The following EHBP1 variants were observed in gnomAD, a reference collection of about 807,000 sequenced individuals.
The protein encoded by EHBP1 is EH domain binding protein 1, also known as EH domain-binding protein 1.
In EHBP1, 55 loss-of-function variants were observed where a neutral mutation model predicts 144.0. That is an observed-to-expected ratio of 0.38 (90% CI 0.31 to 0.48). The LOEUF is 0.48. Ranked by LOEUF, EHBP1 falls within the 20% of genes least tolerant of loss-of-function variation. The probability of loss-of-function intolerance (pLI) is 0.98; values close to 1 mark genes in which losing one functional copy is unlikely to be tolerated. For synonymous variants in EHBP1, 469 were observed against 472.7 expected (o/e 0.99, Z 0.10); for missense variants, 1,200 against 1,364.2 (o/e 0.88, Z 1.90).
intron 5 of EHBP1, among the ~76,000 whole-genome samples, chr2:62,820,234 A>T (rs887942137): frequency 2.0e-5 from 3 of 151,672 alleles, no homozygotes; most frequent in African/African-American, 7.3e-5. Context: ...AGAAAAAAAA[A>T]AAAAAGAACA....
chr2:62,698,316 A>C (rs2034170694), intron 1 of EHBP1, among the ~76,000 whole-genome samples: 1 of 152,234 alleles, frequency 6.6e-6, no homozygotes. Context: ...TCCACACTGA[A>C]GTATGCTGGT....
At chr2:62,836,116 T>G (rs1034355285) in intron 7 of EHBP1, among the ~76,000 whole-genome samples, 8 of 152,124 alleles carry the variant, frequency 5.3e-5, no homozygotes, top group Non-Finnish European at 1.2e-4. Context: ...AAGAGAGCAG[T>G]GGTTCTCCCA....
intron 3 of EHBP1, among the ~76,000 whole-genome samples, chr2:62,750,012 CTT>C (rs1330907939): frequency 1.3e-5 from 2 of 152,138 alleles, no homozygotes; most frequent in African/African-American, 4.8e-5. Flanking sequence ...TCAATTTTGT[CTT>C]TTGTTGCCAT....
rs1457861939 is a variant in EHBP1 at position 62,990,841 on chromosome 2, G to GTA, written c.2733+2_2733+3dup. 1.9e-6 allele frequency: 3 copies of GTA among 1,610,468 alleles called. No homozygotes were observed. Among genetic ancestry groups the GTA allele is most frequent in the Non-Finnish European group, 2.5e-6 (3 of 1,178,392 alleles). On this transcript the variant is annotated splice_donor_variant, in intron 16 of 22. Coordinates refer to ENST00000431489, the MANE Select transcript of EHBP1 (RefSeq NM_001142616.3). LOFTEE classifies it high-confidence loss of function. The stretch of plus-strand genomic sequence containing the variant: ...TGAGAGCTCAGAGCAGGACATGAAA[G>GTA]TAAGTCTTACTTGTTTAAAACATTT...
chr2:62,970,239 A>G (rs1184316718), intron 14 of EHBP1, among the ~76,000 whole-genome samples: 5 of 152,170 alleles, frequency 3.3e-5, no homozygotes, highest in Non-Finnish European at 4.4e-5. Flanking sequence ...ACACTGTTAA[A>G]TATTAGCAGC....
chr2:62,749,404 G>T (rs13395622), intron 3 of EHBP1, among the ~76,000 whole-genome samples: 186 of 152,296 alleles, frequency 1.2e-3, no homozygotes, highest in Middle Eastern at 0.01. Flanking sequence ...ATTTGGGTTG[G>T]TTCCAAGTCT....
In EHBP1 at chr2:63,045,721, A is replaced by G; in HGVS notation, c.*221A>G. 1 of 497,280 alleles carries G rather than the reference A, an allele frequency of 2.0e-6. No individual in the cohort carries two copies. Among genetic ancestry groups the G allele is most frequent in the South Asian group, 2.3e-5 (1 of 43,122 alleles). 30.8% of individuals were successfully genotyped at this position (497,280 alleles called of 1,614,324 possible). ...TTAAGGATTTTTTTGTGAGTTAACA[A>G]TTTCCTTGAAATCCTGTGAAATAGA... is the stretch of plus-strand genomic sequence containing the variant. On this transcript the variant is annotated 3_prime_UTR_variant, in exon 23 of 23. Coordinates refer to ENST00000431489, the MANE Select transcript of EHBP1 (RefSeq NM_001142616.3). The surrounding 1 kb of genome is among the most constrained non-coding windows in gnomAD (Gnocchi z 5.7).
chr2:62,861,562 G>A (rs1254343764), intron 8 of EHBP1, among the ~76,000 whole-genome samples: 2 of 151,730 alleles, frequency 1.3e-5, no homozygotes, highest in African/African-American at 4.8e-5. Context: ...TGGCCAACAT[G>A]GTGAAACCCG....
At chr2:62,899,678 T>C (rs1484548826) in intron 10 of EHBP1, among the ~76,000 whole-genome samples, 2 of 152,222 alleles carry the variant, frequency 1.3e-5, no homozygotes, top group East Asian at 3.9e-4. Flanking sequence ...GTTTCAACGA[T>C]GATGGTGGTT....
intron 19 of EHBP1, among the ~76,000 whole-genome samples, chr2:63,016,490 G>C (rs529828665): frequency 1.8e-4 from 27 of 152,092 alleles, no homozygotes; most frequent in Non-Finnish European, 3.2e-4. Context: ...GAGTGCAATG[G>C]TGTCATCTCG....
intron 21 of EHBP1, chr2:63,044,007 G>A (rs904626654): frequency 2.7e-5 from 3 of 111,582 alleles, no homozygotes; most frequent in Admixed American, 1.2e-4. Flanking sequence ...GTCCTCATTT[G>A]TTCTGCTATC....
At position 62,764,347 on chromosome 2, in the gene EHBP1, G is replaced by A; in HGVS notation, c.244G>A (p.Val82Ile). 6.3e-7 allele frequency: 1 copy of A among 1,575,460 alleles called. No homozygotes were observed. The highest frequency in any genetic ancestry group is 8.6e-7 in the Non-Finnish European group (1 of 1,165,288). ...TGTTCCTGAAAACATTGAAATCACT[G>A]TAACACTTTTTAAGGTAAGTTCCAT... ...WPVPENIEIT[V>I]TLFKDPHAEE... is the part of the protein sequence containing the mutation. The change falls in exon 4 of 23, where the codon GTA (valine) becomes ATA (isoleucine). Residue 82 changes from valine to isoleucine, a missense_variant. Around this residue, in one of 6 missense-constraint regions of EHBP1, gnomAD observed 137 missense variants for 190.1 expected, o/e 0.72. Transcript: ENST00000431489.
At chr2:62,738,719 T>A (rs2038390582) in intron 2 of EHBP1, among the ~76,000 whole-genome samples, 1 of 152,206 alleles carries the variant, frequency 6.6e-6, no homozygotes, top group Admixed American at 6.5e-5. Context: ...TCTGGAAGAT[T>A]TCCTCAAATT....
rs151097581 is a variant in EHBP1 at position 62,745,044 on chromosome 2, C to A, written c.105-2351C>A. On this transcript the variant is annotated intron_variant, in intron 2 of 22. Transcript: ENST00000431489. ...TTTAATGTGCAGCAAGAATAAGGAT[C>A]CCTGCAAAGCTTGGATGAGTTGCAG... Among the ~76,000 whole-genome samples, 1,053 of 152,212 alleles carry A rather than the reference C, an allele frequency of 6.9e-3. 10 individuals are homozygous for A. Among genetic ancestry groups the A allele is most frequent in the African/African-American group, 0.021 (879 of 41,552 alleles).
At chr2:62,960,635 T>C (rs2057954216) in intron 14 of EHBP1, among the ~76,000 whole-genome samples, 1 of 152,174 alleles carries the variant, frequency 6.6e-6, no homozygotes, top group African/African-American at 2.4e-5. Context: ...AATGAATAAA[T>C]GAAGGGAATA....
At chr2:62,732,190 A>G (rs551151362) in intron 2 of EHBP1, among the ~76,000 whole-genome samples, 2 of 152,110 alleles carry the variant, frequency 1.3e-5, no homozygotes, top group African/African-American at 2.4e-5. Context: ...TAGTGTGACT[A>G]TGATATGCCT....
At chr2:63,022,532 C>G (rs990097767) in intron 19 of EHBP1, among the ~76,000 whole-genome samples, 11 of 152,082 alleles carry the variant, frequency 7.2e-5, no homozygotes, top group Middle Eastern at 3.4e-3. Flanking sequence ...CCAGGCTGAT[C>G]TCGAACTCCT....
chr2:62,747,266 G>T, intron 2 of EHBP1, 129 bp from the exon 3 acceptor site: 1 of 687,636 alleles, frequency 1.5e-6, no homozygotes. Context: ...ATATTTGATA[G>T]AGCTTTATTG....
chr2:62,838,016 C>T (rs1159541135), intron 7 of EHBP1, among the ~76,000 whole-genome samples: 1 of 149,546 alleles, frequency 6.7e-6, no homozygotes, highest in Non-Finnish European at 1.5e-5. Context: ...GAACTCTCCA[C>T]CCCAAATCAA....
Sources: allele counts gnomAD v4.1 joint callset (sites outside exome capture counted in the v4.1 genomes callset), GRCh38; gene constraint gnomAD v4.1.1; regional missense constraint gnomAD v4.1.1; non-coding constraint Gnocchi (gnomAD v3.1); transcripts MANE v1.5; gene names NCBI Gene and HGNC (gene_info 2026-07-23, HGNC 2026-07-21).